Variants in SBNO1 observed in about 807,000 individuals in gnomAD.
SBNO1 encodes protein strawberry notch homolog 1.
Under a neutral mutation model 173.6 loss-of-function variants are expected in SBNO1, and 23 were observed. The observed-to-expected ratio is 0.13, with a 90% confidence interval of 0.10 to 0.19. The LOEUF is 0.19. Among genes scored for constraint, SBNO1 ranks in the 10% least tolerant of loss-of-function variants. The probability of loss-of-function intolerance (pLI) is 1.00; values close to 1 mark genes in which losing one functional copy is unlikely to be tolerated. For synonymous variants in SBNO1, 632 were observed against 571.5 expected (o/e 1.11, Z -1.51); for missense variants, 1,238 against 1,671.2 (o/e 0.74, Z 4.52).
Position 123,294,634 on chromosome 12 carries a change from C to CAAATAAAAAAAAAA in SBNO1, c.*1273_*1274insTTTTTTTTTTATTT, listed in dbSNP as rs2048559934. ...TTTTCAATAGTGCAACCTGTGGAAG[C>CAAATAAAAAAAAAA]AAAAAAAAAAAAAAAAAAAAAAAAA... On this transcript the variant is annotated 3_prime_UTR_variant, in exon 32 of 32. Coordinates refer to ENST00000602398, the MANE Select transcript of SBNO1 (RefSeq NM_001167856.3). The CAAATAAAAAAAAAA allele has an allele frequency of 1.7e-5, 1 of 59,958 alleles. No homozygotes were observed. 3.7% of individuals were successfully genotyped at this position (59,958 alleles called of 1,614,324 possible). A position where few individuals can be genotyped will look rare whatever the true frequency, so the allele number is the denominator to read the frequency against.
At chr12:123,338,099 T>C (rs757724741) in intron 5 of SBNO1, among the ~76,000 whole-genome samples, 1 of 152,148 alleles carries the variant, frequency 6.6e-6, no homozygotes, top group Non-Finnish European at 1.5e-5. Flanking sequence ...ACATACCATG[T>C]AGATGTTCAC....
chr12:123,357,660 CAGG>C (rs1207284172), intron 1 of SBNO1, among the ~76,000 whole-genome samples: 22 of 152,146 alleles, frequency 1.4e-4, no homozygotes, highest in East Asian at 9.7e-4. Context: ...GAGGCTGAGA[CAGG>C]AGAATAGCTT....
chr12:123,337,193 G>C (rs1871956157), intron 5 of SBNO1, among the ~76,000 whole-genome samples: 1 of 152,164 alleles, frequency 6.6e-6, no homozygotes, highest in African/African-American at 2.4e-5. Context: ...ATTACACTGA[G>C]AAAACAGAAG....
chr12:123,354,128 T>G (rs1461520676), intron 1 of SBNO1, among the ~76,000 whole-genome samples: 1 of 152,276 alleles, frequency 6.6e-6, no homozygotes, highest in East Asian at 1.9e-4. Flanking sequence ...AACTTTTTGA[T>G]GTTCATGTAA....
intron 15 of SBNO1, among the ~76,000 whole-genome samples, chr12:123,324,902 G>A (rs1252715055): frequency 2.6e-5 from 4 of 151,922 alleles, no homozygotes; most frequent in South Asian, 2.1e-4. Context: ...TCCACCTCAC[G>A]GGTTCAATGG....
chr12:123,319,937 T>C lies in SBNO1; in HGVS notation c.2762A>G (p.Asn921Ser), dbSNP rs1422644859. The change falls in exon 20 of 32, where the codon AAC becomes AGC. Residue 921 changes from asparagine to serine, a missense_variant. This residue lies in a region of SBNO1 where 45 missense variants were observed against 85.5 expected (regional missense o/e 0.53). Transcript: ENST00000602398. ...SELDVPVEILNITEKQRFMDG... is the reference protein window; with the variant it reads ...SELDVPVEILSITEKQRFMDG... ...CATAAATCGTTGTTTTTCTGTGATG[T>C]TTAGTATTTCCACAGGCACATCAAG... 1.2e-6 allele frequency: 2 copies of C among 1,613,840 alleles called. No individual in the cohort carries two copies. Among genetic ancestry groups the C allele is most frequent in the African/African-American group, 1.3e-5 (1 of 74,918 alleles).
chr12:123,341,380 G>A (rs1244346126), intron 4 of SBNO1, among the ~76,000 whole-genome samples: 1 of 151,968 alleles, frequency 6.6e-6, no homozygotes, highest in Non-Finnish European at 1.5e-5. Flanking sequence ...CCTGGGAGGT[G>A]GAGGTTGAAA....
chr12:123,336,792 T>C (rs1324805858), intron 5 of SBNO1, among the ~76,000 whole-genome samples: 3 of 152,166 alleles, frequency 2.0e-5, no homozygotes, highest in African/African-American at 7.2e-5. Flanking sequence ...CACCCCTCCT[T>C]GATGCCCAGA....
chr12:123,350,356 C>G lies in SBNO1; in HGVS notation c.86G>C (p.Gly29Ala), dbSNP rs1280709515. 6.2e-7 allele frequency: 1 copy of G among 1,614,026 alleles called. No homozygotes were observed. Among genetic ancestry groups the G allele is most frequent in the Admixed American group, 1.7e-5 (1 of 60,002 alleles). ...SPNDLFDIDG[G>A]DAGLATPMPT... ...CATTGGAGTTGCAAGCCCTGCATCTCCACCATCAATATCAAAGAGGTCATT... is the reference window on the plus strand; with the variant it reads ...CATTGGAGTTGCAAGCCCTGCATCTGCACCATCAATATCAAAGAGGTCATT... Residue 29 changes from glycine (G) to alanine (A), a missense_variant, in exon 2 of 32, where the codon GGA becomes GCA. This residue lies in a region of SBNO1 where 287 missense variants were observed against 274.1 expected (regional missense o/e 1.05). Coordinates refer to ENST00000602398, the MANE Select transcript of SBNO1 (RefSeq NM_001167856.3).
At chr12:123,351,217 A>G (rs560088848) in intron 1 of SBNO1, among the ~76,000 whole-genome samples, 1 of 152,332 alleles carries the variant, frequency 6.6e-6, no homozygotes, top group Admixed American at 6.5e-5. Context: ...AGGAAACGGC[A>G]AGAGGTGAAG....
At chr12:123,347,908 C>G in intron 3 of SBNO1, 121 bp downstream of exon 3, 1 of 506,334 alleles carries the variant, frequency 2.0e-6, no homozygotes, top group Non-Finnish European at 3.7e-6. Context: ...CTCAAGCAAT[C>G]CTCCTACCTC....
chr12:123,323,416 G>A (rs551478457), intron 16 of SBNO1, among the ~76,000 whole-genome samples: 85 of 152,164 alleles, frequency 5.6e-4, no homozygotes, highest in Middle Eastern at 3.4e-3. Flanking sequence ...GTGCAGCAGC[G>A]CTATCTCGGC....
chr12:123,363,758 C>A, intron 1 of SBNO1: 2 of 664,780 alleles, frequency 3.0e-6, no homozygotes, highest in Non-Finnish European at 3.7e-6. Flanking sequence ...AAACCGAGCA[C>A]GCACATAAAA....
chr12:123,364,551 C>CG, intron 1 of SBNO1, 150 bp downstream of exon 1: 3 of 983,424 alleles, frequency 3.1e-6, no homozygotes, highest in South Asian at 4.7e-5. Context: ...CGCGCGGCCG[C>CG]GAGGAGCGGC....
At chr12:123,317,589 C>G (rs1869434046) in intron 20 of SBNO1, among the ~76,000 whole-genome samples, 1 of 152,174 alleles carries the variant, frequency 6.6e-6, no homozygotes, top group South Asian at 2.1e-4. Flanking sequence ...GCGACATGCC[C>G]TTCTCATCCC....
chr12:123,333,595 G>C (rs1459209278), intron 7 of SBNO1, among the ~76,000 whole-genome samples: 1 of 151,818 alleles, frequency 6.6e-6, no homozygotes, highest in East Asian at 1.9e-4. Context: ...TTCCTGGGCT[G>C]AGGTGATTCC....
At position 123,361,742 on chromosome 12, in the gene SBNO1, A is replaced by AAG. The variant is rs1305407951; in HGVS notation, c.-1+2958_-1+2959insCT. Among the ~76,000 whole-genome samples the AAG allele has an allele frequency of 8.2e-3, 1,243 of 151,412 alleles. 19 individuals are homozygous for AAG. Among genetic ancestry groups the AAG allele is most frequent in the African/African-American group, 0.028 (1,159 of 41,194 alleles). On this transcript the variant is annotated intron_variant, in intron 1 of 31. Transcript: ENST00000602398. ...AGCAAGACAGTCTAAAAAAAAAAAAAAAATACAAAATTGCCTGACATATAA... is the reference window on the plus strand; with the variant it reads ...AGCAAGACAGTCTAAAAAAAAAAAAAAGAAATACAAAATTGCCTGACATATAA...
chr12:123,363,674 T>C (rs919117548), intron 1 of SBNO1, among the ~76,000 whole-genome samples: 35 of 152,260 alleles, frequency 2.3e-4, no homozygotes, highest in South Asian at 2.1e-4. Flanking sequence ...GCTTTATTTG[T>C]CTCTCATTTT....
At position 123,340,922 on chromosome 12, in the gene SBNO1, G is replaced by A. The variant is rs1041453495; in HGVS notation, c.651+66C>T. The stretch of plus-strand genomic sequence containing the variant: ...AGCTTTCTGAGGGTTGTTCCATATA[G>A]AACACTTTTAGTTGAGTACACTCTC... On this transcript the variant is annotated intron_variant, in intron 5 of 31. Coordinates refer to ENST00000602398, the MANE Select transcript of SBNO1 (RefSeq NM_001167856.3). 88 of 1,000,966 alleles carry A rather than the reference G, an allele frequency of 8.8e-5. No homozygotes were observed. In the African/African-American group the frequency reaches 1.2e-3, roughly 14 times the overall value. The allele number at this position is 1,000,966 out of a possible 1,614,324, so 62.0% of individuals were successfully genotyped here.
Sources: allele counts gnomAD v4.1 joint callset (sites outside exome capture counted in the v4.1 genomes callset), GRCh38; gene constraint gnomAD v4.1.1; regional missense constraint gnomAD v4.1.1; transcripts MANE v1.5; gene names NCBI Gene and HGNC (gene_info 2026-07-23, HGNC 2026-07-21).